The following UMODL1 variants were observed in gnomAD, a reference collection of about 807,000 sequenced individuals.
UMODL1 encodes uromodulin-like 1.
UMODL1 carries 128 observed loss-of-function variants against 136.3 expected under a neutral mutation model. The ratio of observed to expected loss-of-function variants is 0.94; its 90% CI spans 0.81 to 1.09. The LOEUF (loss-of-function observed/expected upper bound fraction) is 1.09. Among genes scored for constraint, UMODL1 ranks in the 50% least tolerant of loss-of-function variants. The probability of loss-of-function intolerance (pLI) is 0.00; values close to 1 mark genes in which losing one functional copy is unlikely to be tolerated. For synonymous variants in UMODL1, 721 were observed against 720.0 expected (o/e 1.00, Z -0.02); for missense variants, 1,766 against 1,725.6 (o/e 1.02, Z -0.41).
At chr21:42,129,560 T>C (rs1389700235) in intron 20 of UMODL1, among the ~76,000 whole-genome samples, 153 bp from the exon 21 acceptor site, 1 of 152,198 alleles carries the variant, frequency 6.6e-6, no homozygotes, top group African/African-American at 2.4e-5. Flanking sequence ...TCACCAGGTC[T>C]CCCACTCCTC....
At chr21:42,071,614 C>T (rs1201775233) in intron 1 of UMODL1, among the ~76,000 whole-genome samples, 2 of 152,034 alleles carry the variant, frequency 1.3e-5, no homozygotes, top group African/African-American at 4.8e-5. Context: ...AGAGGACTCC[C>T]CCAGTGGGAA....
At position 42,071,325 on chromosome 21, in the gene UMODL1, G is replaced by A. The variant is rs1401974731; in HGVS notation, c.9G>A (p.Arg3=). 6.3e-7 allele frequency: 1 copy of A among 1,593,278 alleles called. No homozygotes were observed. Among genetic ancestry groups the A allele is most frequent in the African/African-American group, 1.4e-5 (1 of 73,730 alleles). The change falls in exon 1 of 23, where the codon AGG becomes AGA. Residue 3 remains arginine, a synonymous_variant. Transcript: ENST00000408910. ...GCCACCACTGCCGGACGATGCTCAG[G>A]ACCTCGGGGCTGGCACTGCTGGCTC... The part of the protein sequence containing the change: ML[R]TSGLALLALV...
chr21:42,139,297 T>C (rs768387081), intron 22 of UMODL1, among the ~76,000 whole-genome samples: 1 of 152,138 alleles, frequency 6.6e-6, no homozygotes, highest in Non-Finnish European at 1.5e-5. Context: ...CTTACAATCA[T>C]GGCAGAAGAC....
intron 13 of UMODL1, 135 bp from the exon 14 acceptor site, chr21:42,115,738 C>T (rs911183850): frequency 2.0e-5 from 13 of 656,238 alleles, no homozygotes; most frequent in Admixed American, 1.2e-4. Context: ...TGGCACTATT[C>T]CTTCTTTCTA....
chr21:42,128,851 A>C (rs2067096783), intron 20 of UMODL1, among the ~76,000 whole-genome samples: 1 of 152,224 alleles, frequency 6.6e-6, no homozygotes, highest in Admixed American at 6.5e-5. Flanking sequence ...TAGATAGTGT[A>C]TGAGCTTTCC....
intron 6 of UMODL1, chr21:42,094,155 G>T (rs1256519935): frequency 2.8e-6 from 1 of 358,714 alleles, no homozygotes; most frequent in Non-Finnish European, 5.5e-6. Flanking sequence ...GATTGCGTCA[G>T]GATACAGGGC....
At chr21:42,133,059 T>G (rs1043530085) in intron 21 of UMODL1, among the ~76,000 whole-genome samples, 4 of 152,256 alleles carry the variant, frequency 2.6e-5, no homozygotes, top group Admixed American at 6.5e-5. Flanking sequence ...TGTTCAACAT[T>G]CTTTCTCATT....
intron 11 of UMODL1, 189 bp downstream of exon 11, chr21:42,111,310 G>A (rs542395191): frequency 4.0e-5 from 57 of 1,413,356 alleles, no homozygotes; most frequent in South Asian, 3.3e-4. Flanking sequence ...CCAGCCACGC[G>A]AACTCCAGCC....
intron 13 of UMODL1, among the ~76,000 whole-genome samples, chr21:42,114,942 T>C (rs2066883727): frequency 6.6e-6 from 1 of 152,236 alleles, no homozygotes; most frequent in East Asian, 1.9e-4. Context: ...GCTTTCAGAC[T>C]GGGTTGCTCA....
At chr21:42,070,465 C>A (rs1478131642), upstream of UMODL1, among the ~76,000 whole-genome samples, 2 of 152,224 alleles carry the variant, frequency 1.3e-5, no homozygotes, top group Non-Finnish European at 2.9e-5. Context: ...TCTTATCACT[C>A]CTCAAAATGT....
intron 2 of UMODL1, among the ~76,000 whole-genome samples, chr21:42,078,949 G>A (rs1007959489): frequency 6.6e-6 from 1 of 152,214 alleles, no homozygotes; most frequent in African/African-American, 2.4e-5. Flanking sequence ...AGTTGCTGCT[G>A]TGCAACAACT....
chr21:42,128,653 G>A (rs1418988185), intron 20 of UMODL1, among the ~76,000 whole-genome samples: 1 of 152,226 alleles, frequency 6.6e-6, no homozygotes, highest in Non-Finnish European at 1.5e-5. Flanking sequence ...CCTAATGACA[G>A]CAGGCTGAGG....
At position 42,126,421 on chromosome 21, in the gene UMODL1, T is replaced by A. The variant is rs2067055179; in HGVS notation, c.3224T>A (p.Ile1075Asn). The change falls in exon 18 of 23, where the codon ATC becomes AAC. Residue 1075 changes from isoleucine (I) to asparagine (N), a missense_variant. By Grantham distance (149) the Ile-to-Asn change is moderately radical. Transcript: ENST00000408910. Reference sequence around the variant, plus strand: ...GAGGGCATCATCCACCACCTGAAGATCCTGAGCCCCATCTACTGCGCCTTC... The same window carrying A: ...GAGGGCATCATCCACCACCTGAAGAACCTGAGCCCCATCTACTGCGCCTTC... ...SQEGIIHHLK[I>N]LSPIYCAFQN... 1.2e-6 allele frequency: 2 copies of A among 1,614,206 alleles called. No individual in the cohort carries two copies. Among genetic ancestry groups the A allele is most frequent in the Non-Finnish European group, 8.5e-7 (1 of 1,180,028 alleles).
chr21:42,133,670 T>C (rs866965988), intron 21 of UMODL1, among the ~76,000 whole-genome samples: 27 of 152,346 alleles, frequency 1.8e-4, no homozygotes, highest in Middle Eastern at 3.4e-3. Flanking sequence ...CGCTTCCTCG[T>C]TTCTGCTGGA....
rs376883815 is a variant in UMODL1, at chr21:42,098,880, G to A, written c.932-46G>A. The stretch of plus-strand genomic sequence containing the variant: ...GTTACCTGCTTCAGAAGAGAAAGCC[G>A]CCCTCACTGACCCTTTGCTCATCTT... On this transcript the variant is annotated intron_variant, in intron 6 of 22. Coordinates refer to ENST00000408910, the MANE Select transcript of UMODL1 (RefSeq NM_001004416.3). 3.4e-5 allele frequency: 54 copies of A among 1,600,626 alleles called. No homozygotes were observed. The African/African-American group carries it at 3.9e-4, about 11-fold the overall frequency.
In UMODL1 at chr21:42,127,195, G is replaced by A. The variant is rs755682249; in HGVS notation, c.3483G>A (p.Pro1161=). 5.0e-6 allele frequency: 8 copies of A among 1,613,976 alleles called. No homozygotes were observed. The highest frequency in any genetic ancestry group is 1.3e-5 in the African/African-American group (1 of 74,914). Residue 1161 remains proline (P), a synonymous_variant, in exon 19 of 23, where the codon CCG becomes CCA. Coordinates refer to ENST00000408910, the MANE Select transcript of UMODL1 (RefSeq NM_001004416.3). ...TCCTGACGGAGTGCTGGGCAACCCC[G>A]TCTAGCAACGCCCGGGACCCCATCA... ...KVVLTECWAT[P]SSNARDPITF...
At chr21:42,077,931 C>G (rs1210126859) in intron 2 of UMODL1, among the ~76,000 whole-genome samples, 1 of 152,194 alleles carries the variant, frequency 6.6e-6, no homozygotes, top group Non-Finnish European at 1.5e-5. Context: ...CATAGACCTG[C>G]AGGCTGGGCC....
chr21:42,090,426 C>A lies in UMODL1; in HGVS notation c.919C>A (p.Leu307Met). The change falls in exon 6 of 23, where the codon CTG (leucine) becomes ATG (methionine). Residue 307 changes from leucine to methionine, a missense_variant. Coordinates refer to ENST00000408910, the MANE Select transcript of UMODL1 (RefSeq NM_001004416.3). ...APATSPRKLN[L>M]EWEDCPPVSD... is the part of the protein sequence containing the mutation. ...AGCCACGTCTCCACGGAAGCTGAAC[C>A]TGGAGTGGGAAGGTAATGGCTAGGC... 1 of 1,613,926 alleles carries A rather than the reference C, an allele frequency of 6.2e-7. No individual in the cohort carries two copies. The highest frequency in any genetic ancestry group is 8.5e-7 in the Non-Finnish European group (1 of 1,179,956).
intron 9 of UMODL1, chr21:42,108,170 A>G (rs2066749991): frequency 7.2e-6 from 3 of 415,302 alleles, no homozygotes; most frequent in Non-Finnish European, 1.5e-5. Context: ...CCACGCCCCA[A>G]AATAGACATC....
Sources: gnomAD v4.1 joint callset for allele counts (sites outside exome capture counted in the v4.1 genomes callset) on GRCh38, gnomAD v4.1.1 for gene constraint, MANE v1.5 for transcripts, NCBI Gene and HGNC (gene_info 2026-07-23, HGNC 2026-07-21) for gene names.